The following INPP5K variants were observed in gnomAD, a reference collection of about 807,000 sequenced individuals.
The protein encoded by INPP5K is inositol polyphosphate 5-phosphatase K.
INPP5K carries 35 observed loss-of-function variants against 53.5 expected under a neutral mutation model. That is an observed-to-expected ratio of 0.65 (90% CI 0.50 to 0.87). The LOEUF is 0.87. Among genes scored for constraint, INPP5K ranks in the 40% least tolerant of loss-of-function variants. The pLI, the probability that INPP5K is intolerant of heterozygous loss-of-function variation, is 0.00. For missense variants in INPP5K, 550 were observed against 586.2 expected (o/e 0.94, Z 0.64); for synonymous variants, 253 against 232.8 (o/e 1.09, Z -0.79).
At chr17:1,503,560 C>T (rs2075084584) in intron 7 of INPP5K, among the ~76,000 whole-genome samples, 5 of 151,226 alleles carry the variant, frequency 3.3e-5, no homozygotes, top group Admixed American at 2.6e-4. Flanking sequence ...ACTAAAAATA[C>T]AAAAAATTAG....
intron 11 of INPP5K, 65 bp downstream of exon 11, chr17:1,495,995 G>A: frequency 1.4e-6 from 2 of 1,405,240 alleles, no homozygotes; most frequent in South Asian, 2.3e-5. Flanking sequence ...CCAGGCCTGG[G>A]CCTCAGGGAG....
intron 7 of INPP5K, among the ~76,000 whole-genome samples, chr17:1,502,530 C>T (rs1213850388): frequency 6.6e-6 from 1 of 151,122 alleles, no homozygotes; most frequent in East Asian, 1.9e-4. Context: ...CTCAGCCCAC[C>T]CCCACCCCCC....
intron 3 of INPP5K, 45 bp from the exon 4 acceptor site, chr17:1,509,844 C>T (rs1467303470): frequency 8.7e-7 from 1 of 1,155,636 alleles, no homozygotes; most frequent in Non-Finnish European, 1.3e-6. Context: ...ACCACACAGG[C>T]CAAGTGCATC....
Position 1,516,490 on chromosome 17 carries a change from G to A in INPP5K, c.10C>T (p.Arg4Trp), listed in dbSNP as rs756896220. 3 of 1,585,616 alleles carry A rather than the reference G, an allele frequency of 1.9e-6. No homozygotes were observed. Among genetic ancestry groups the A allele is most frequent in the South Asian group, 1.1e-5 (1 of 89,192 alleles). The change falls in exon 1 of 12, where the codon CGG becomes TGG. Residue 4 changes from arginine (R) to tryptophan (W), a missense_variant. Coordinates refer to ENST00000421807, the MANE Select transcript of INPP5K (RefSeq NM_016532.4). ...CTGCCTTTCGGCCCGCTCAGCTTCC[G>A]CGAGCTCATGGCCGCCGTCGTCCCC... Reference protein sequence around the residue: MSSRKLSGPKGRRL... With the variant: MSSWKLSGPKGRRL...
chr17:1,509,651 G>T, intron 4 of INPP5K, 32 bp downstream of exon 4: 1 of 1,386,276 alleles, frequency 7.2e-7, no homozygotes, highest in Non-Finnish European at 1.0e-6. Context: ...GCCCTTCCCA[G>T]CTCACGACTC....
chr17:1,513,399 G>A (rs750168645), intron 3 of INPP5K, 54 bp downstream of exon 3: 18 of 1,303,482 alleles, frequency 1.4e-5, no homozygotes, highest in African/African-American at 2.9e-5. Context: ...ACAAGCAGGG[G>A]TCAGTGGAGA....
At position 1,509,373 on chromosome 17, in the gene INPP5K, G is replaced by A. The variant is rs1360122034; in HGVS notation, c.379-20C>T. On this transcript the variant is annotated intron_variant, in intron 4 of 11. Transcript: ENST00000421807. ...GTTCCCCTGGTAGAACAGGTCAACA[G>A]AAGAGTGGGAAGCTACTCGGGTTGG... The A allele has an allele frequency of 1.2e-6, 2 of 1,604,750 alleles. No homozygotes were observed. The highest frequency in any genetic ancestry group is 8.5e-7 in the Non-Finnish European group (1 of 1,174,022).
At chr17:1,496,427 G>A in intron 9 of INPP5K, 25 bp from the exon 10 acceptor site, 3 of 1,541,790 alleles carry the variant, frequency 1.9e-6, no homozygotes, top group Non-Finnish European at 2.6e-6. Flanking sequence ...CAGGCCATCA[G>A]TGGTCAGGGA....
chr17:1,496,242 C>A, intron 10 of INPP5K, 77 bp downstream of exon 10: 1 of 1,495,382 alleles, frequency 6.7e-7, no homozygotes, highest in Non-Finnish European at 9.2e-7. Flanking sequence ...AGTTATTCAG[C>A]ACTCTGTTCC....
At position 1,498,582 on chromosome 17, in the gene INPP5K, G is replaced by C. The variant is rs1056804547; in HGVS notation, c.777-460C>G. ...CCAGAGGATGCCTGTGATCAGTACT[G>C]TTACCACACCTTTTTTTAAATTTAA... On this transcript the variant is annotated intron_variant, in intron 7 of 11. Transcript: ENST00000421807. Among the ~76,000 whole-genome samples, 5 of 152,066 alleles carry C rather than the reference G, an allele frequency of 3.3e-5. No individual in the cohort carries two copies. In the East Asian group the frequency reaches 9.6e-4, roughly 29 times the overall value.
intron 7 of INPP5K, among the ~76,000 whole-genome samples, chr17:1,503,497 A>T (rs925977480): frequency 6.6e-6 from 1 of 151,994 alleles, no homozygotes; most frequent in Non-Finnish European, 1.5e-5. Context: ...CAGGCCTTTT[A>T]AAAAAATTTT....
chr17:1,512,391 G>C (rs949675768), intron 3 of INPP5K, among the ~76,000 whole-genome samples: 1 of 152,022 alleles, frequency 6.6e-6, no homozygotes, highest in Non-Finnish European at 1.5e-5. Flanking sequence ...CCAAGGACTC[G>C]GGCTGGTGTT....
rs750781027 is a variant in INPP5K, at chr17:1,513,957, C to T, written c.67G>A (p.Val23Met). The T allele has an allele frequency of 8.7e-6, 14 of 1,611,842 alleles. No homozygotes were observed. Among genetic ancestry groups the T allele is most frequent in the South Asian group, 1.1e-5 (1 of 90,838 alleles). The change falls in exon 2 of 12, where the codon GTG becomes ATG. Residue 23 changes from valine (V) to methionine (M), a missense_variant. Transcript: ENST00000421807. ...RLSIHVVTWN[V>M]ASAAPPLDLS... ...TCTAGAGGGGGCGCTGCCGAAGCCACGTTCCAAGTCACGACGTGTATGCTG... is the reference window on the plus strand; with the variant it reads ...TCTAGAGGGGGCGCTGCCGAAGCCATGTTCCAAGTCACGACGTGTATGCTG...
At chr17:1,496,479 C>A (rs993341126) in intron 9 of INPP5K, 77 bp from the exon 10 acceptor site, 4 of 1,362,330 alleles carry the variant, frequency 2.9e-6, no homozygotes, top group Admixed American at 3.9e-5. Context: ...GAGATGGTCT[C>A]CCTGCTGGGC....
At chr17:1,496,836 C>T (rs200402689) in intron 8 of INPP5K, 33 bp from the exon 9 acceptor site, 22 of 1,607,526 alleles carry the variant, frequency 1.4e-5, no homozygotes, top group South Asian at 4.4e-5. Context: ...GGCTGAATCT[C>T]GCAGCATCAT....
chr17:1,507,172 A>C, intron 6 of INPP5K, 83 bp from the exon 7 acceptor site: 2 of 986,840 alleles, frequency 2.0e-6, no homozygotes, highest in Non-Finnish European at 3.2e-6. Flanking sequence ...GGATCAGCAC[A>C]TGCCGTCACA....
intron 8 of INPP5K, among the ~76,000 whole-genome samples, chr17:1,497,565 A>G (rs1294139376): frequency 6.6e-6 from 1 of 152,230 alleles, no homozygotes; most frequent in East Asian, 1.9e-4. Flanking sequence ...TCATTCAGAT[A>G]GCAAGATACA....
intron 7 of INPP5K, among the ~76,000 whole-genome samples, chr17:1,504,508 C>T (rs1258704321): frequency 6.6e-6 from 1 of 152,240 alleles, no homozygotes; most frequent in African/African-American, 2.4e-5. Flanking sequence ...CCCCTGTTCC[C>T]GCCCAGACAG....
At chr17:1,505,419 G>C (rs932897404) in intron 7 of INPP5K, among the ~76,000 whole-genome samples, 1 of 152,038 alleles carries the variant, frequency 6.6e-6, no homozygotes, top group Non-Finnish European at 1.5e-5. Context: ...CAGGACTCTT[G>C]TTTCCAATGG....
Sources: allele counts gnomAD v4.1 joint callset (sites outside exome capture counted in the v4.1 genomes callset), GRCh38; gene constraint gnomAD v4.1.1; transcripts MANE v1.5; gene names NCBI Gene and HGNC (gene_info 2026-07-23, HGNC 2026-07-21).